SPMIP3: variants seen among roughly 807,000 people sequenced by gnomAD.
SPMIP3 encodes sperm microtubule inner protein 3.
the SPMIP3 span, among the ~76,000 whole-genome samples, chr1:244,373,332 T>TTTATATA: frequency 1.1e-4 from 9 of 85,142 alleles, no homozygotes; most frequent in African/African-American, 2.9e-4. Context: ...CAAAAAAAAA[T>TTTATATA]TATATATATA....
At chr1:244,382,566 T>G in the SPMIP3 span, among the ~76,000 whole-genome samples, 2 of 151,972 alleles carry the variant, frequency 1.3e-5, 1 homozygote, top group African/African-American at 4.8e-5. Flanking sequence ...GCATCTTATA[T>G]TTTAACGGCA....
chr1:244,365,026 G>C, the SPMIP3 span, among the ~76,000 whole-genome samples: 1 of 152,226 alleles, frequency 6.6e-6, no homozygotes, highest in African/African-American at 2.4e-5. Flanking sequence ...AGCCATATAT[G>C]TGTCTCGGGT....
the SPMIP3 span, among the ~76,000 whole-genome samples, chr1:244,379,385 T>C: frequency 6.6e-6 from 1 of 151,836 alleles, no homozygotes; most frequent in Admixed American, 6.6e-5. Context: ...AATTCTTTTT[T>C]ATAGAGATGA....
At chr1:244,364,673 A>G in the SPMIP3 span, 15 of 1,609,866 alleles carry the variant, frequency 9.3e-6, no homozygotes, top group Non-Finnish European at 1.2e-5. Context: ...CCTTTATGCC[A>G]TAATTTTTTT....
the SPMIP3 span, among the ~76,000 whole-genome samples, chr1:244,383,664 G>T: frequency 1.3e-5 from 2 of 152,228 alleles, no homozygotes; most frequent in Admixed American, 6.5e-5. Context: ...ACTGGGCAGA[G>T]AGTGGGGAAA....
At chr1:244,353,162 AAAGAGAGTGAAGATC>A in the SPMIP3 span, among the ~76,000 whole-genome samples, 1 of 152,220 alleles carries the variant, frequency 6.6e-6, no homozygotes, top group Non-Finnish European at 1.5e-5. Flanking sequence ...GGAGAAGGAC[AAAGAGAGTGAAGATC>A]GTGGCCACCA....
the SPMIP3 span, among the ~76,000 whole-genome samples, chr1:244,360,611 G>C: frequency 6.6e-6 from 1 of 151,394 alleles, no homozygotes; most frequent in Non-Finnish European, 1.5e-5. Context: ...CGGTCGGGCA[G>C]AGTGACTCAT....
At chr1:244,354,236 G>A in the SPMIP3 span, among the ~76,000 whole-genome samples, 1 of 151,986 alleles carries the variant, frequency 6.6e-6, no homozygotes, top group Non-Finnish European at 1.5e-5. Context: ...CCCTTCTCTG[G>A]ACAGATTAAT....
the SPMIP3 span, among the ~76,000 whole-genome samples, chr1:244,358,863 G>T: frequency 6.6e-6 from 1 of 152,084 alleles, no homozygotes; most frequent in Non-Finnish European, 1.5e-5. Context: ...TTTACTTGGG[G>T]CATGTCTAAG....
At chr1:244,354,401 G>A in the SPMIP3 span, among the ~76,000 whole-genome samples, 6 of 147,224 alleles carry the variant, frequency 4.1e-5, no homozygotes, top group Admixed American at 3.4e-4. Context: ...CTGTCACCCA[G>A]GCTGGAGTGC....
the SPMIP3 span, among the ~76,000 whole-genome samples, chr1:244,385,745 T>TA: frequency 0.61 from 92,746 of 151,886 alleles, 28,902 homozygotes; most frequent in African/African-American, 0.73. Context: ...TGATCAAGAA[T>TA]AATGTATGCC....
At chr1:244,355,829 C>T in the SPMIP3 span, among the ~76,000 whole-genome samples, 2 of 152,180 alleles carry the variant, frequency 1.3e-5, no homozygotes, top group Admixed American at 6.5e-5. Flanking sequence ...CCTCTCAGGT[C>T]TTCTCTGGTT....
At chr1:244,374,650 G>C in the SPMIP3 span, among the ~76,000 whole-genome samples, 4 of 130,186 alleles carry the variant, frequency 3.1e-5, no homozygotes, top group Admixed American at 2.7e-4. Context: ...AGGCTGGAGT[G>C]CAGTGGCACA....
the SPMIP3 span, among the ~76,000 whole-genome samples, chr1:244,383,095 A>C: frequency 6.6e-6 from 1 of 152,206 alleles, no homozygotes; most frequent in African/African-American, 2.4e-5. Context: ...TGATATCAAG[A>C]ACACTTTCAC....
At chr1:244,386,790 C>A in the SPMIP3 span, among the ~76,000 whole-genome samples, 1 of 152,108 alleles carries the variant, frequency 6.6e-6, no homozygotes, top group Non-Finnish European at 1.5e-5. Flanking sequence ...ATGTTTATTT[C>A]TTGAGATACT....
At chr1:244,363,923 G>A in the SPMIP3 span, among the ~76,000 whole-genome samples, 37,124 of 151,940 alleles carry the variant, frequency 0.24, 5,728 homozygotes, top group East Asian at 0.5. Flanking sequence ...CTCCTAGCCG[G>A]GATTCTTGTT....
the SPMIP3 span, among the ~76,000 whole-genome samples, chr1:244,362,214 G>T: frequency 6.6e-6 from 1 of 152,154 alleles, no homozygotes; most frequent in African/African-American, 2.4e-5. Context: ...AAGGGAAGAG[G>T]AGGAGACATC....
the SPMIP3 span, among the ~76,000 whole-genome samples, chr1:244,354,140 G>C: frequency 1.1e-4 from 16 of 152,010 alleles, no homozygotes; most frequent in African/African-American, 3.6e-4. Flanking sequence ...ATTCTACAAG[G>C]TTCCATTGAC....
the SPMIP3 span, among the ~76,000 whole-genome samples, chr1:244,359,591 C>T: frequency 2.6e-5 from 4 of 151,608 alleles, no homozygotes; most frequent in Non-Finnish European, 4.4e-5. Flanking sequence ...GGTGTGGTGG[C>T]GGGCGCCTGT....
Sources: gnomAD v4.1 joint callset for allele counts (sites outside exome capture counted in the v4.1 genomes callset) on GRCh38, gnomAD v4.1.1 for gene constraint, MANE v1.5 for transcripts, NCBI Gene and HGNC (gene_info 2026-07-23, HGNC 2026-07-21) for gene names.